TXNDC12: variants seen among roughly 807,000 people sequenced by gnomAD.
TXNDC12 encodes the protein thioredoxin domain containing 12, also known as thioredoxin domain-containing protein 12.
Under a neutral mutation model 24.2 loss-of-function variants are expected in TXNDC12, and 22 were observed. The ratio of observed to expected loss-of-function variants is 0.91; its 90% CI spans 0.65 to 1.30. The LOEUF (loss-of-function observed/expected upper bound fraction) is 1.30. Among genes scored for constraint, TXNDC12 ranks in the 50% most tolerant of loss-of-function variants. TXNDC12 has a pLI of 0.00. For synonymous variants in TXNDC12, 58 were observed against 73.4 expected, an observed-to-expected ratio of 0.79 and a Z score of 1.07; for missense variants, 184 against 205.8, an observed-to-expected ratio of 0.89 and a Z score of 0.65.
rs11485583 is a variant in TXNDC12, at chr1:52,039,297, A to C, written c.158+2240T>G. 4.3e-3 allele frequency among the ~76,000 whole-genome samples: 659 copies of C among 152,080 alleles called. 4 individuals are homozygous for C. Among genetic ancestry groups the C allele is most frequent in the African/African-American group, 0.015 (630 of 41,468 alleles). The stretch of plus-strand genomic sequence containing the variant: ...TTCTAGGTTTATGATATTGTACTAA[A>C]TACCAGGAAAAATATGCAAGAGTTG... On this transcript the variant is annotated intron_variant, in intron 2 of 6. Transcript: ENST00000371626.
chr1:52,033,161 C>T lies in TXNDC12; in HGVS notation c.159-4531G>A, dbSNP rs758789517. On this transcript the variant is annotated intron_variant, in intron 2 of 6. Transcript: ENST00000371626. ...AGGAGTTCGGGAGAGTAAAAGGCAC[C>T]GGACCCATGCTTTGCAGATTTCTCT... 4.1e-5 allele frequency: 66 copies of T among 1,614,094 alleles called. 1 individual carries two copies. The South Asian group carries it at 4.4e-4, about 11-fold the overall frequency.
chr1:52,029,358 G>C (rs1685720015), intron 2 of TXNDC12, among the ~76,000 whole-genome samples: 1 of 152,130 alleles, frequency 6.6e-6, no homozygotes. Context: ...CACTACATCT[G>C]TATTTCATGA....
intron 2 of TXNDC12, among the ~76,000 whole-genome samples, chr1:52,038,239 T>TC (rs1207824643): frequency 1.3e-5 from 2 of 152,136 alleles, no homozygotes; most frequent in East Asian, 3.9e-4. Flanking sequence ...TCCTTTCTCT[T>TC]CAATGATTTT....
At chr1:52,036,053 C>A (rs907105291) in intron 2 of TXNDC12, among the ~76,000 whole-genome samples, 2 of 152,148 alleles carry the variant, frequency 1.3e-5, no homozygotes, top group Admixed American at 6.6e-5. Context: ...AGTTGATTTG[C>A]ATAATTTAAT....
Position 52,020,255 on chromosome 1 carries a change from GT to G in TXNDC12, c.*677del. The stretch of plus-strand genomic sequence containing the variant: ...CTACACCTAGGGCTTGAAGGTTTGA[GT>G]TTCTCCAACAGTAACAAGGGAAAGC... On this transcript the variant is annotated 3_prime_UTR_variant, in exon 7 of 7. Transcript: ENST00000371626. 1 of 318,390 alleles carries G rather than the reference GT, an allele frequency of 3.1e-6. No individual in the cohort carries two copies. Among genetic ancestry groups the G allele is most frequent in the Non-Finnish European group, 6.2e-6 (1 of 161,018 alleles). The allele number at this position is 318,390 out of a possible 1,614,324, so 19.7% of individuals were successfully genotyped here. A position where few individuals can be genotyped will look rare whatever the true frequency, so the allele number is the denominator to read the frequency against.
At chr1:52,033,220 G>A in intron 2 of TXNDC12, 2 of 1,614,184 alleles carry the variant, frequency 1.2e-6, no homozygotes, top group Non-Finnish European at 1.7e-6. Context: ...AGACTCCGCA[G>A]CCCCGGATTC....
At chr1:52,032,118 GATTTT>G in intron 2 of TXNDC12, 1 of 956,748 alleles carries the variant, frequency 1.0e-6, no homozygotes, top group Non-Finnish European at 1.2e-6. Context: ...TATTTTAAAA[GATTTT>G]ATTAGAGGAA....
At chr1:52,046,832 A>G (rs1686099358) in intron 1 of TXNDC12, among the ~76,000 whole-genome samples, 3 of 146,062 alleles carry the variant, frequency 2.1e-5, no homozygotes, top group South Asian at 4.3e-4. Context: ...CCTGGCCAAC[A>G]TGGTGAAACC....
At chr1:52,036,704 A>T (rs769145579) in intron 2 of TXNDC12, among the ~76,000 whole-genome samples, 5 of 152,220 alleles carry the variant, frequency 3.3e-5, no homozygotes, top group Non-Finnish European at 7.3e-5. Context: ...GCAGCTCTAA[A>T]TAATTAGAAC....
rs749227874 is a variant in TXNDC12, at chr1:52,033,466, C to T, written c.159-4836G>A. 2.2e-5 allele frequency: 35 copies of T among 1,613,058 alleles called. No individual in the cohort carries two copies. In the Admixed American group the frequency reaches 5.3e-4, roughly 25 times the overall value. ...GCAGTAGACCAGGCAGAGCGGGGTG[C>T]GCGCCGCCCGTGCCAGGCAGTAGAG... On this transcript the variant is annotated intron_variant, in intron 2 of 6. Transcript: ENST00000371626.
At chr1:52,045,146 A>G (rs1686068128) in intron 1 of TXNDC12, among the ~76,000 whole-genome samples, 2 of 152,228 alleles carry the variant, frequency 1.3e-5, no homozygotes, top group Admixed American at 1.3e-4. Context: ...AAGTGGAAAG[A>G]GCAATTTGAA....
At chr1:52,053,492 G>A (rs557438164) in intron 1 of TXNDC12, among the ~76,000 whole-genome samples, 12 of 151,880 alleles carry the variant, frequency 7.9e-5, no homozygotes, top group East Asian at 7.8e-4. Flanking sequence ...GTGAAACCCC[G>A]TCTCTACTAA....
intron 2 of TXNDC12, among the ~76,000 whole-genome samples, chr1:52,038,886 T>C (rs1685933049): frequency 8.0e-6 from 1 of 125,776 alleles, no homozygotes; most frequent in Admixed American, 9.9e-5. Flanking sequence ...TGAATTTTCT[T>C]TTTTTTTTCT....
At chr1:52,032,677 TTC>T in intron 2 of TXNDC12, 14 of 1,562,380 alleles carry the variant, frequency 9.0e-6, no homozygotes, top group Admixed American at 5.9e-5. Flanking sequence ...AAGCCATGGC[TTC>T]CCCCCTACCT....
intron 4 of TXNDC12, among the ~76,000 whole-genome samples, chr1:52,025,125 A>T (rs1277720281): frequency 1.3e-5 from 2 of 152,112 alleles, no homozygotes; most frequent in Non-Finnish European, 2.9e-5. Flanking sequence ...TGCACATAGT[A>T]TTTCTTTAGT....
intron 1 of TXNDC12, chr1:52,044,188 T>C (rs1231555505): frequency 6.6e-6 from 1 of 152,206 alleles, no homozygotes; most frequent in African/African-American, 2.4e-5. Flanking sequence ...AAATGGACTT[T>C]CAGAATGTGC....
chr1:52,054,422 C>A (rs1686283792), intron 1 of TXNDC12, among the ~76,000 whole-genome samples: 2 of 152,316 alleles, frequency 1.3e-5, no homozygotes, highest in South Asian at 2.1e-4. Flanking sequence ...AACCACTGAT[C>A]GCTCACTTAC....
intron 1 of TXNDC12, among the ~76,000 whole-genome samples, chr1:52,052,190 T>C (rs1348227018): frequency 6.6e-6 from 1 of 152,194 alleles, no homozygotes; most frequent in African/African-American, 2.4e-5. Context: ...TCTTGGTATC[T>C]TACCAGACTG....
chr1:52,046,612 A>G (rs1298297368), intron 1 of TXNDC12, among the ~76,000 whole-genome samples: 1 of 152,160 alleles, frequency 6.6e-6, no homozygotes, highest in Non-Finnish European at 1.5e-5. Flanking sequence ...GTCGTGGCTC[A>G]CGCCTGTAAT....
Sources: allele counts gnomAD v4.1 joint callset (sites outside exome capture counted in the v4.1 genomes callset), GRCh38; gene constraint gnomAD v4.1.1; transcripts MANE v1.5; gene names NCBI Gene and HGNC (gene_info 2026-07-23, HGNC 2026-07-21).